The following CPNE3 variants were observed in gnomAD, a reference collection of about 807,000 sequenced individuals.
The protein encoded by CPNE3 is copine 3.
In CPNE3, 68 loss-of-function variants were observed where a neutral mutation model predicts 63.9. That is an observed-to-expected ratio of 1.06 (90% CI 0.87 to 1.30). CPNE3 has a LOEUF of 1.30. Among genes scored for constraint, CPNE3 ranks in the 50% most tolerant of loss-of-function variants. CPNE3 has a pLI of 0.00. For synonymous variants in CPNE3, 219 were observed against 197.5 expected, an observed-to-expected ratio of 1.11 and a Z score of -0.91; for missense variants, 665 against 578.1, an observed-to-expected ratio of 1.15 and a Z score of -1.54.
chr8:86,558,763 G>A lies in CPNE3; in HGVS notation c.*353G>A, dbSNP rs1821377380. On this transcript the variant is annotated 3_prime_UTR_variant, in exon 17 of 17. Coordinates refer to ENST00000517490, the MANE Select transcript of CPNE3 (RefSeq NM_003909.5). Reference sequence around the variant, plus strand: ...TCAATAGGAAGAATGGAAAACTGTTGGGATGATGTGGTTTGCAGGTTGCTG... The same window carrying A: ...TCAATAGGAAGAATGGAAAACTGTTAGGATGATGTGGTTTGCAGGTTGCTG... 4.0e-6 allele frequency: 1 copy of A among 246,930 alleles called. No homozygotes were observed. The highest frequency in any genetic ancestry group is 8.1e-6 in the Non-Finnish European group (1 of 123,854). The allele number at this position is 246,930 out of a possible 1,614,324, so 15.3% of individuals were successfully genotyped here. A position where few individuals can be genotyped will look rare whatever the true frequency, so the allele number is the denominator to read the frequency against.
At chr8:86,546,867 C>T (rs1821064893) in intron 10 of CPNE3, among the ~76,000 whole-genome samples, 186 bp downstream of exon 10, 1 of 152,136 alleles carries the variant, frequency 6.6e-6, no homozygotes, top group African/African-American at 2.4e-5. Context: ...CCCACCACTA[C>T]ACCTGGCTAA....
chr8:86,516,521 G>A lies in CPNE3; in HGVS notation c.-11+1022G>A, dbSNP rs574777763. 2.2e-4 allele frequency among the ~76,000 whole-genome samples: 33 copies of A among 152,138 alleles called. No homozygotes were observed. The East Asian group carries it at 6.0e-3, about 28-fold the overall frequency. ...TCTGTTTCGGTACCTAGTTCATATT[G>A]TACTCCAACACCTATCAATTCTTTT... On this transcript the variant is annotated intron_variant, in intron 2 of 16. Coordinates refer to ENST00000517490, the MANE Select transcript of CPNE3 (RefSeq NM_003909.5).
intron 12 of CPNE3, among the ~76,000 whole-genome samples, chr8:86,550,399 C>G (rs1023481492): frequency 1.3e-5 from 2 of 152,116 alleles, no homozygotes; most frequent in African/African-American, 4.8e-5. Context: ...ATGGCATAGG[C>G]TCTATCTTCA....
At chr8:86,537,458 A>AGT in intron 6 of CPNE3, 105 bp from the exon 7 acceptor site, 1 of 730,708 alleles carries the variant, frequency 1.4e-6, no homozygotes, top group South Asian at 1.5e-5. Flanking sequence ...TCAATACTAT[A>AGT]GAGTTAGACT....
intron 2 of CPNE3, among the ~76,000 whole-genome samples, chr8:86,523,170 GT>G (rs1820472208): frequency 6.6e-6 from 1 of 152,154 alleles, no homozygotes; most frequent in Admixed American, 6.5e-5. Context: ...ACCTACAGTT[GT>G]CAGGGTTTTT....
At chr8:86,552,121 A>G (rs902651441) in intron 14 of CPNE3, among the ~76,000 whole-genome samples, 1 of 152,246 alleles carries the variant, frequency 6.6e-6, no homozygotes, top group African/African-American at 2.4e-5. Flanking sequence ...GCAGAGGCAT[A>G]ATTTAAAATT....
intron 9 of CPNE3, chr8:86,545,230 A>C (rs1380571487): frequency 6.5e-6 from 1 of 153,266 alleles, no homozygotes; most frequent in Non-Finnish European, 1.5e-5. Flanking sequence ...GAGCAATATC[A>C]GCTTTAAAAG....
chr8:86,533,136 C>A lies in CPNE3; in HGVS notation c.459+556C>A, dbSNP rs571960645. ...GGAACTCCTGGGCTCAAGCAATCCTCCCATCTCATACTCCCAAAGTGTTGG... is the reference window on the plus strand; with the variant it reads ...GGAACTCCTGGGCTCAAGCAATCCTACCATCTCATACTCCCAAAGTGTTGG... On this transcript the variant is annotated intron_variant, in intron 6 of 16. Transcript: ENST00000517490. 4.7e-4 allele frequency among the ~76,000 whole-genome samples: 71 copies of A among 152,146 alleles called. 1 individual carries two copies. Among genetic ancestry groups the A allele is most frequent in the Admixed American group, 4.1e-3 (63 of 15,278 alleles).
chr8:86,558,458 C>G lies in CPNE3; in HGVS notation c.*48C>G, dbSNP rs1303295853. ...TGTTATGTGGAGCAATGCCATCTCT[C>G]ACCCCAAATCGTGTATCTGTCATTC... On this transcript the variant is annotated 3_prime_UTR_variant, in exon 17 of 17. Transcript: ENST00000517490. 1 of 870,786 alleles carries G rather than the reference C, an allele frequency of 1.1e-6. No homozygotes were observed. The highest frequency in any genetic ancestry group is 2.0e-6 in the Non-Finnish European group (1 of 500,014). The allele number at this position is 870,786 out of a possible 1,614,324, so 53.9% of individuals were successfully genotyped here.
At chr8:86,542,434 A>T (rs1820961359) in intron 8 of CPNE3, among the ~76,000 whole-genome samples, 1 of 152,096 alleles carries the variant, frequency 6.6e-6, no homozygotes, top group Non-Finnish European at 1.5e-5. Flanking sequence ...GCCTTACTGA[A>T]TGTAGTATCT....
chr8:86,521,525 T>A (rs1820433932), intron 2 of CPNE3: 1 of 152,224 alleles, frequency 6.6e-6, no homozygotes, highest in Admixed American at 6.5e-5. Flanking sequence ...TTTTTTGATA[T>A]TGTTTTTAAT....
At chr8:86,538,827 C>G (rs538680440) in intron 7 of CPNE3, among the ~76,000 whole-genome samples, 35 of 152,236 alleles carry the variant, frequency 2.3e-4, no homozygotes, top group African/African-American at 8.2e-4. Flanking sequence ...TGCTTGGCTA[C>G]TTGGTTAAGC....
intron 4 of CPNE3, among the ~76,000 whole-genome samples, chr8:86,529,895 A>G (rs770578718): frequency 1.3e-5 from 2 of 152,050 alleles, no homozygotes; most frequent in Non-Finnish European, 2.9e-5. Context: ...TTTGGAGATT[A>G]TGGTATTTTC....
intron 11 of CPNE3, 133 bp downstream of exon 11, chr8:86,547,903 C>A (rs1821090123): frequency 3.3e-6 from 2 of 608,954 alleles, no homozygotes; most frequent in Non-Finnish European, 2.9e-6. Context: ...AGTCCTCAGG[C>A]AGGTTGTCTG....
At chr8:86,553,564 T>C (rs986688066) in intron 14 of CPNE3, among the ~76,000 whole-genome samples, 2 of 152,200 alleles carry the variant, frequency 1.3e-5, no homozygotes, top group Non-Finnish European at 2.9e-5. Flanking sequence ...TAATAGGCTA[T>C]ACCATCTAGG....
At chr8:86,520,683 G>A (rs1216086621) in intron 2 of CPNE3, among the ~76,000 whole-genome samples, 5 of 134,106 alleles carry the variant, frequency 3.7e-5, no homozygotes, top group African/African-American at 8.6e-5. Context: ...TTTTTGAGAC[G>A]GAGTCTTGCT....
chr8:86,528,056 C>G (rs1014686508), intron 2 of CPNE3, among the ~76,000 whole-genome samples: 1 of 146,018 alleles, frequency 6.8e-6, no homozygotes. Context: ...TCAAGCAATC[C>G]TCTTGCCTCA....
rs775449265 is a variant in CPNE3, at chr8:86,529,105, G to A, written c.293G>A (p.Cys98Tyr). Residue 98 changes from cysteine (C) to tyrosine (Y), a missense_variant, in exon 4 of 17, where the codon TGT becomes TAT. Transcript: ENST00000517490. The stretch of plus-strand genomic sequence containing the variant: ...AGTGATGATGACTTCTTAGGGGAAT[G>A]TGAATGTACCCTTGGACAAGTAAGT... ...ELSDDDFLGE[C>Y]ECTLGQIVSS... The A allele has an allele frequency of 1.5e-5, 25 of 1,613,606 alleles. No individual in the cohort carries two copies. In the East Asian group the frequency reaches 4.9e-4, roughly 32 times the overall value.
rs553144961 is a variant in CPNE3 at position 86,558,857 on chromosome 8, A to G, written c.*447A>G. 6.1e-6 allele frequency: 1 copy of G among 162,910 alleles called. No homozygotes were observed. The highest frequency in any genetic ancestry group is 1.6e-4 in the East Asian group (1 of 6,134). 10.1% of individuals were successfully genotyped at this position (162,910 alleles called of 1,614,324 possible). A position where few individuals can be genotyped will look rare whatever the true frequency, so the allele number is the denominator to read the frequency against. On this transcript the variant is annotated 3_prime_UTR_variant, in exon 17 of 17. Coordinates refer to ENST00000517490, the MANE Select transcript of CPNE3 (RefSeq NM_003909.5). ...TGATTATGAGAGCTTCTTAAATTAT[A>G]TGATATCAAATTTGTTCCTGTAACT...
Sources: gnomAD v4.1 joint callset for allele counts (sites outside exome capture counted in the v4.1 genomes callset) on GRCh38, gnomAD v4.1.1 for gene constraint, MANE v1.5 for transcripts, NCBI Gene and HGNC (gene_info 2026-07-23, HGNC 2026-07-21) for gene names.